Variants in MYH9 observed in about 807,000 individuals in gnomAD.
The protein encoded by MYH9 is myosin heavy chain 9.
Under a neutral mutation model 241.9 loss-of-function variants are expected in MYH9, and 29 were observed. That is an observed-to-expected ratio of 0.12 (90% CI 0.09 to 0.16). The LOEUF is 0.16. Ranked by LOEUF, MYH9 falls within the 10% of genes least tolerant of loss-of-function variation. The pLI is 1.00. For synonymous variants in MYH9, 1,047 were observed against 1,062.6 expected, an observed-to-expected ratio of 0.99 and a Z score of 0.29; for missense variants, 1,803 against 2,595.5, an observed-to-expected ratio of 0.69 and a Z score of 6.63.
chr22:36,304,764 A>G (rs2016942377), intron 18 of MYH9, among the ~76,000 whole-genome samples: 1 of 152,198 alleles, frequency 6.6e-6, no homozygotes, highest in Non-Finnish European at 1.5e-5. Context: ...CCCCCAAACC[A>G]AAGAGGCCAT....
rs183442695 is a variant in MYH9, at chr22:36,316,291, C to T, written c.1380+226G>A. On this transcript the variant is annotated intron_variant, in intron 12 of 40. Coordinates refer to ENST00000216181, the MANE Select transcript of MYH9 (RefSeq NM_002473.6). ...TCAAGCAATCTGCCGGCCTTGGCCT[C>T]CCAAAGTGCTGGGATTACAGGCATG... 1.7e-4 allele frequency among the ~76,000 whole-genome samples: 25 copies of T among 151,426 alleles called. No homozygotes were observed. In the South Asian group the frequency reaches 5.2e-3, roughly 32 times the overall value.
chr22:36,327,267 A>G (rs2146369924), intron 4 of MYH9, among the ~76,000 whole-genome samples, 194 bp downstream of exon 4: 1 of 152,264 alleles, frequency 6.6e-6, no homozygotes, highest in Admixed American at 6.5e-5. Flanking sequence ...ATTGAAATTG[A>G]GCTCATCCAT....
Position 36,295,189 on chromosome 22 carries a change from G to C in MYH9, c.3486-113C>G. 1 of 1,447,808 alleles carries C rather than the reference G, an allele frequency of 6.9e-7. No homozygotes were observed. The highest frequency in any genetic ancestry group is 9.6e-7 in the Non-Finnish European group (1 of 1,037,652). The allele number at this position is 1,447,808 out of a possible 1,614,324, so 89.7% of individuals were successfully genotyped here. Reference sequence around the variant, plus strand: ...GGCCAGGGCACAGGCACTCCAGGCAGCTTTTCTACCCACCGGCCCCTCCTA... The same window carrying C: ...GGCCAGGGCACAGGCACTCCAGGCACCTTTTCTACCCACCGGCCCCTCCTA... On this transcript the variant is annotated intron_variant, in intron 26 of 40. Coordinates refer to ENST00000216181, the MANE Select transcript of MYH9 (RefSeq NM_002473.6). The surrounding 1 kb of genome is among the most constrained non-coding windows in gnomAD (Gnocchi z 4.1).
chr22:36,289,448 A>C, intron 31 of MYH9, 151 bp from the exon 32 acceptor site: 2 of 679,558 alleles, frequency 2.9e-6, no homozygotes, highest in Non-Finnish European at 5.0e-6. Context: ...TGTGCCCAGG[A>C]CAATACACAC....
chr22:36,324,297 A>G (rs1350764960), intron 5 of MYH9, among the ~76,000 whole-genome samples: 1 of 152,256 alleles, frequency 6.6e-6, no homozygotes, highest in Admixed American at 6.5e-5. Context: ...TTGGGCACAG[A>G]AGAGATTTTA....
intron 20 of MYH9, 176 bp downstream of exon 20, chr22:36,302,391 TA>T: frequency 1.7e-6 from 1 of 589,718 alleles, no homozygotes; most frequent in Middle Eastern, 4.7e-4. Context: ...CTCATGCCTG[TA>T]ATTCCAGCAC....
chr22:36,295,607 T>C lies in MYH9; in HGVS notation c.3383A>G (p.Asn1128Ser). ...EDLESERASR[N>S]KAEKQKRDLG... ...GTCCCGTTTCTGCTTCTCAGCTTTA[T>C]TCCTGGAAGCACGCTCAGACTCCAG... Residue 1128 changes from asparagine to serine, a missense_variant, in exon 26 of 41, where the codon AAT becomes AGT. This residue lies in a region of MYH9 where 290 missense variants were observed against 360.5 expected (regional missense o/e 0.80). Transcript: ENST00000216181. The surrounding 1 kb of genome is among the most constrained non-coding windows in gnomAD (Gnocchi z 4.1). The C allele has an allele frequency of 6.2e-7, 1 of 1,613,960 alleles. No homozygotes were observed. The highest frequency in any genetic ancestry group is 1.7e-5 in the Admixed American group (1 of 60,022).
Position 36,300,613 on chromosome 22 carries a change from G to A in MYH9, c.2838+238C>T, listed in dbSNP as rs2016861371. Among the ~76,000 whole-genome samples, 1 of 152,210 alleles carries A rather than the reference G, an allele frequency of 6.6e-6. No individual in the cohort carries two copies. The highest frequency in any genetic ancestry group is 1.5e-5 in the Non-Finnish European group (1 of 68,038). On this transcript the variant is annotated intron_variant, in intron 22 of 40. Transcript: ENST00000216181. This position sits in a 1 kb window ranked among gnomAD's most constrained non-coding sequence, Gnocchi z 5.0. Reference sequence around the variant, plus strand: ...CGGCTAGCCAGGGCCAGGGCTAATGGCAGGGAAATCAAATTGGCCTTGATG... The same window carrying A: ...CGGCTAGCCAGGGCCAGGGCTAATGACAGGGAAATCAAATTGGCCTTGATG...
rs1332967584 is a variant in MYH9 at position 36,298,985 on chromosome 22, C to G, written c.3034G>C (p.Glu1012Gln). 6.2e-7 allele frequency: 1 copy of G among 1,614,134 alleles called. No homozygotes were observed. The highest frequency in any genetic ancestry group is 1.7e-5 in the Admixed American group (1 of 60,024). Residue 1012 changes from glutamate (E) to glutamine (Q), a missense_variant, in exon 24 of 41, where the codon GAG becomes CAG. Glu to Gln is a conservative substitution (Grantham distance 29). Transcript: ENST00000216181. ...TTGGCGAGGCTCTTAGATTTCTCCTCCTCTTCTGTGAGGTTGGTGGTGAAC... is the reference window on the plus strand; with the variant it reads ...TTGGCGAGGCTCTTAGATTTCTCCTGCTCTTCTGTGAGGTTGGTGGTGAAC... The part of the protein sequence containing the change: ...AEFTTNLTEE[E>Q]EKSKSLAKLK...
At chr22:36,323,046 C>T (rs1388630364) in intron 5 of MYH9, among the ~76,000 whole-genome samples, 1 of 152,224 alleles carries the variant, frequency 6.6e-6, no homozygotes, top group Non-Finnish European at 1.5e-5. Context: ...TCCACTGCCG[C>T]GTCCAAAACC....
In MYH9 at chr22:36,291,804, G is replaced by A. The variant is rs141060218; in HGVS notation, c.4344+182C>T. On this transcript the variant is annotated intron_variant, in intron 31 of 40. Coordinates refer to ENST00000216181, the MANE Select transcript of MYH9 (RefSeq NM_002473.6). ...CCATCGCATGAAGACGCCCTCTTCC[G>A]CTGGCCTTCTCCCTGGGACCCTCAA... 5.0e-4 allele frequency among the ~76,000 whole-genome samples: 76 copies of A among 151,422 alleles called. 1 individual carries two copies. In the East Asian group the frequency reaches 0.011, roughly 21 times the overall value.
intron 12 of MYH9, among the ~76,000 whole-genome samples, chr22:36,316,279 C>A (rs558483838): frequency 6.6e-6 from 1 of 151,032 alleles, no homozygotes; most frequent in African/African-American, 2.5e-5. Flanking sequence ...AGCAATCTGC[C>A]GGCCTTGGCC....
chr22:36,341,957 A>C (rs759742204), intron 2 of MYH9, among the ~76,000 whole-genome samples: 3 of 152,238 alleles, frequency 2.0e-5, no homozygotes, highest in African/African-American at 7.2e-5. Context: ...ATCATTCCAC[A>C]CTGAAGGACG....
At position 36,358,190 on chromosome 22, in the gene MYH9, G is replaced by A. The variant is rs377013655; in HGVS notation, c.-19-8935C>T. 1.2e-3 allele frequency among the ~76,000 whole-genome samples: 184 copies of A among 152,214 alleles called. 3 individuals are homozygous for A. The South Asian group carries it at 0.022, about 18-fold the overall frequency. ...AGCAATTCTCCTGCCTCAGCCTCCC[G>A]AGTAGCTGGGACTACAGGTGCACAC... On this transcript the variant is annotated intron_variant, in intron 1 of 40. Transcript: ENST00000216181.
At chr22:36,334,532 G>A (rs2017469107) in intron 3 of MYH9, among the ~76,000 whole-genome samples, 1 of 152,226 alleles carries the variant, frequency 6.6e-6, no homozygotes, top group African/African-American at 2.4e-5. Context: ...AGTGTGTGGC[G>A]CGGTCGCTGC....
At chr22:36,374,615 G>A (rs568969322) in intron 1 of MYH9, among the ~76,000 whole-genome samples, 1 of 152,336 alleles carries the variant, frequency 6.6e-6, no homozygotes, top group East Asian at 1.9e-4. Context: ...CCTTTGGCTA[G>A]AAAAACATGC....
chr22:36,317,814 T>C (rs983991347), intron 11 of MYH9, among the ~76,000 whole-genome samples: 26 of 152,218 alleles, frequency 1.7e-4, no homozygotes, highest in African/African-American at 4.1e-4. Context: ...AAACAGCCGC[T>C]TGGCACAGGC....
rs188600371 is a variant in MYH9 at position 36,316,099 on chromosome 22, G to A, written c.1380+418C>T. Among the ~76,000 whole-genome samples the A allele has an allele frequency of 2.2e-4, 33 of 148,786 alleles. No homozygotes were observed. In the East Asian group the frequency reaches 5.2e-3, roughly 23 times the overall value. On this transcript the variant is annotated intron_variant, in intron 12 of 40. Transcript: ENST00000216181. ...GTTGCCCAGGCTGGAGTGCAATGGCGTGATCTCGGCTCACTGCAACCTCTG... is the reference window on the plus strand; with the variant it reads ...GTTGCCCAGGCTGGAGTGCAATGGCATGATCTCGGCTCACTGCAACCTCTG...
chr22:36,326,490 G>A, intron 5 of MYH9, 78 bp downstream of exon 5: 1 of 1,287,208 alleles, frequency 7.8e-7, no homozygotes, highest in South Asian at 1.2e-5. Context: ...GCTGAAGCCG[G>A]GACCACTAAG....
Sources: allele counts gnomAD v4.1 joint callset (sites outside exome capture counted in the v4.1 genomes callset), GRCh38; gene constraint gnomAD v4.1.1; regional missense constraint gnomAD v4.1.1; non-coding constraint Gnocchi (gnomAD v3.1); transcripts MANE v1.5; gene names NCBI Gene and HGNC (gene_info 2026-07-23, HGNC 2026-07-21).